TDRD3: variants seen among roughly 807,000 people sequenced by gnomAD.
TDRD3 encodes the protein tudor domain-containing protein 3.
TDRD3 carries 45 observed loss-of-function variants against 86.7 expected under a neutral mutation model. The observed-to-expected ratio is 0.52, with a 90% confidence interval of 0.41 to 0.67. The LOEUF is 0.67. TDRD3 is among the 30% of genes least tolerant of loss of function. The pLI, the probability that TDRD3 is intolerant of heterozygous loss-of-function variation, is 0.00. For synonymous variants in TDRD3, 298 were observed against 301.7 expected, an observed-to-expected ratio of 0.99 and a Z score of 0.13; for missense variants, 814 against 889.0, an observed-to-expected ratio of 0.92 and a Z score of 1.07.
At chr13:60,427,610 G>A (rs1954846390) in intron 1 of TDRD3, among the ~76,000 whole-genome samples, 2 of 152,224 alleles carry the variant, frequency 1.3e-5, no homozygotes, top group South Asian at 4.2e-4. Flanking sequence ...ACTGTTCAGT[G>A]CTCCTGGTTT....
At chr13:60,459,335 T>C (rs1955751499) in intron 3 of TDRD3, among the ~76,000 whole-genome samples, 1 of 152,244 alleles carries the variant, frequency 6.6e-6, no homozygotes, top group Non-Finnish European at 1.5e-5. Context: ...GTTGCCACTT[T>C]AGTTAAATTT....
intron 10 of TDRD3, among the ~76,000 whole-genome samples, chr13:60,526,779 T>G (rs1159387195): frequency 5.9e-5 from 9 of 152,154 alleles, no homozygotes; most frequent in Admixed American, 1.3e-4. Flanking sequence ...ATTTAAAGCC[T>G]TTTGGCTTCT....
chr13:60,486,448 T>C (rs748421422), intron 7 of TDRD3, among the ~76,000 whole-genome samples: 2 of 152,188 alleles, frequency 1.3e-5, no homozygotes, highest in Non-Finnish European at 2.9e-5. Flanking sequence ...ATTTTATCTT[T>C]ACATTATATG....
chr13:60,505,631 T>G (rs1406744284), intron 8 of TDRD3, among the ~76,000 whole-genome samples: 1 of 151,888 alleles, frequency 6.6e-6, no homozygotes, highest in East Asian at 1.9e-4. Context: ...CTAAGAAACT[T>G]GAAAAAAGGT....
At chr13:60,482,549 G>A (rs1157162673) in intron 5 of TDRD3, among the ~76,000 whole-genome samples, 2 of 152,242 alleles carry the variant, frequency 1.3e-5, no homozygotes, top group South Asian at 2.1e-4. Flanking sequence ...GGAAATGATA[G>A]TATAAGTTGA....
intron 1 of TDRD3, among the ~76,000 whole-genome samples, chr13:60,416,252 A>T (rs1329779390): frequency 6.6e-6 from 1 of 152,172 alleles, no homozygotes; most frequent in Non-Finnish European, 1.5e-5. Context: ...GGAAGTACTC[A>T]TAATATAGTT....
chr13:60,499,674 A>C (rs956424640), intron 8 of TDRD3, among the ~76,000 whole-genome samples: 4 of 152,194 alleles, frequency 2.6e-5, no homozygotes, highest in African/African-American at 9.6e-5. Context: ...AATAAATCTG[A>C]CTAAAATTCA....
chr13:60,417,435 G>A (rs1954552396), intron 1 of TDRD3, among the ~76,000 whole-genome samples: 1 of 148,544 alleles, frequency 6.7e-6, no homozygotes, highest in African/African-American at 2.5e-5. Context: ...TTTGCCTCCT[G>A]GATTCAAGTG....
intron 1 of TDRD3, among the ~76,000 whole-genome samples, chr13:60,407,695 G>A (rs908606767): frequency 1.3e-5 from 2 of 152,158 alleles, no homozygotes; most frequent in Non-Finnish European, 2.9e-5. Flanking sequence ...TCTGTTTCAA[G>A]GTAATATTAG....
At chr13:60,478,063 G>T (rs895322192) in intron 5 of TDRD3, among the ~76,000 whole-genome samples, 1 of 151,878 alleles carries the variant, frequency 6.6e-6, no homozygotes, top group East Asian at 1.9e-4. Context: ...CTTGTTATTG[G>T]TCTGGTCAGG....
intron 1 of TDRD3, among the ~76,000 whole-genome samples, chr13:60,414,620 A>T (rs1954447987): frequency 6.6e-6 from 1 of 152,170 alleles, no homozygotes; most frequent in South Asian, 2.1e-4. Flanking sequence ...CCTTGTTCTT[A>T]TCCTTATTTG....
intron 9 of TDRD3, 105 bp downstream of exon 9, chr13:60,510,024 A>G: frequency 7.3e-7 from 1 of 1,367,052 alleles, no homozygotes; most frequent in Non-Finnish European, 9.8e-7. Flanking sequence ...ATTTTGTTTA[A>G]CATTATGGTA....
At chr13:60,506,235 TAAAG>T (rs1357676197) in intron 8 of TDRD3, among the ~76,000 whole-genome samples, 1 of 152,164 alleles carries the variant, frequency 6.6e-6, no homozygotes, top group African/African-American at 2.4e-5. Context: ...TCAACATTCT[TAAAG>T]AAGAGTTTTC....
rs986061736 is a variant in TDRD3 at position 60,532,316 on chromosome 13, T to C, written c.1993-2792T>C. On this transcript the variant is annotated intron_variant, in intron 11 of 13. Coordinates refer to ENST00000377881, the MANE Select transcript of TDRD3 (RefSeq NM_001146070.2). ...CTACGATGGCTACTTTGATTCAGATTAGATGTGTACTTTCAGTTGTAGTGA... is the reference window on the plus strand; with the variant it reads ...CTACGATGGCTACTTTGATTCAGATCAGATGTGTACTTTCAGTTGTAGTGA... 4.6e-5 allele frequency among the ~76,000 whole-genome samples: 7 copies of C among 152,280 alleles called. No homozygotes were observed. The South Asian group carries it at 1.5e-3, about 32-fold the overall frequency.
At chr13:60,438,963 A>C (rs1955186700) in intron 1 of TDRD3, among the ~76,000 whole-genome samples, 1 of 152,122 alleles carries the variant, frequency 6.6e-6, no homozygotes, top group African/African-American at 2.4e-5. Flanking sequence ...TTTATCAAAG[A>C]GTTTCAAAAT....
Position 60,401,824 on chromosome 13 carries a change from G to A in TDRD3, c.41+4419G>A, listed in dbSNP as rs575484846. Among the ~76,000 whole-genome samples the A allele has an allele frequency of 3.3e-5, 5 of 152,298 alleles. No individual in the cohort carries two copies. The South Asian group carries it at 1.0e-3, about 32-fold the overall frequency. Reference sequence around the variant, plus strand: ...ACCATGCTAACATCCTCTGGCCCAAGTGCATACATAACTCCTTTCCCTTCA... The same window carrying A: ...ACCATGCTAACATCCTCTGGCCCAAATGCATACATAACTCCTTTCCCTTCA... On this transcript the variant is annotated intron_variant, in intron 1 of 13. Coordinates refer to ENST00000377881, the MANE Select transcript of TDRD3 (RefSeq NM_001146070.2).
intron 8 of TDRD3, among the ~76,000 whole-genome samples, chr13:60,499,607 C>T (rs1038418432): frequency 1.3e-5 from 2 of 152,148 alleles, no homozygotes; most frequent in East Asian, 1.9e-4. Context: ...CCAGTAAGCA[C>T]GAAGTAGCAA....
chr13:60,453,113 C>T (rs532775394), intron 3 of TDRD3, among the ~76,000 whole-genome samples: 1 of 151,988 alleles, frequency 6.6e-6, no homozygotes, highest in Non-Finnish European at 1.5e-5. Context: ...CTATGCAATA[C>T]AAAAGTTTAA....
At chr13:60,526,569 A>G (rs1957438861) in intron 10 of TDRD3, among the ~76,000 whole-genome samples, 2 of 152,094 alleles carry the variant, frequency 1.3e-5, no homozygotes, top group Non-Finnish European at 2.9e-5. Flanking sequence ...CATTTGTTAA[A>G]ATAAGACATT....
Sources: gnomAD v4.1 joint callset for allele counts (sites outside exome capture counted in the v4.1 genomes callset) on GRCh38, gnomAD v4.1.1 for gene constraint, MANE v1.5 for transcripts, NCBI Gene and HGNC (gene_info 2026-07-23, HGNC 2026-07-21) for gene names.